NIBAN1: variants seen among roughly 807,000 people sequenced by gnomAD.
NIBAN1 encodes niban apoptosis regulator 1, also known as protein Niban 1.
NIBAN1 carries 81 observed loss-of-function variants against 75.1 expected under a neutral mutation model. The observed-to-expected ratio is 1.08, with a 90% CI of 0.90 to 1.30. The LOEUF (loss-of-function observed/expected upper bound fraction) is 1.30. NIBAN1 is among the 50% of genes most tolerant of loss of function. NIBAN1 has a pLI of 0.00. For missense variants in NIBAN1, 1,133 were observed against 1,128.1 expected, an observed-to-expected ratio of 1.00 and a Z score of -0.06; for synonymous variants, 436 against 424.8, an observed-to-expected ratio of 1.03 and a Z score of -0.32.
intron 5 of NIBAN1, among the ~76,000 whole-genome samples, chr1:184,877,292 G>C (rs1219111506): frequency 6.6e-6 from 1 of 151,712 alleles, no homozygotes; most frequent in Non-Finnish European, 1.5e-5. Flanking sequence ...CACACAAAAT[G>C]ATTAAGCATA....
intron 1 of NIBAN1, among the ~76,000 whole-genome samples, chr1:184,943,505 T>C (rs1658148084): frequency 6.6e-6 from 1 of 152,176 alleles, no homozygotes; most frequent in Admixed American, 6.5e-5. Flanking sequence ...GTTCAGAGGA[T>C]AATGTTAATG....
chr1:184,894,875 C>T (rs1292196467), intron 2 of NIBAN1, among the ~76,000 whole-genome samples: 1 of 152,188 alleles, frequency 6.6e-6, no homozygotes, highest in Non-Finnish European at 1.5e-5. Context: ...CCATTAGATT[C>T]CTAGTTACAT....
intron 12 of NIBAN1, among the ~76,000 whole-genome samples, chr1:184,799,296 G>T (rs909471884): frequency 6.7e-6 from 1 of 149,916 alleles, no homozygotes; most frequent in Non-Finnish European, 1.5e-5. Context: ...TGCGGTGTTT[G>T]GTTTTTTGTT....
At chr1:184,921,265 C>A (rs1276939861) in intron 1 of NIBAN1, among the ~76,000 whole-genome samples, 2 of 152,058 alleles carry the variant, frequency 1.3e-5, no homozygotes, top group East Asian at 1.9e-4. Flanking sequence ...CCATTGCACT[C>A]CAGCCTGGGC....
rs1312966759 is a variant in NIBAN1 at position 184,890,222 on chromosome 1, C to A, written c.319G>T (p.Ala107Ser). 1 of 1,610,296 alleles carries A rather than the reference C, an allele frequency of 6.2e-7. No individual in the cohort carries two copies. Among genetic ancestry groups the A allele is most frequent in the Middle Eastern group, 1.7e-4 (1 of 6,056 alleles). The change falls in exon 4 of 14, where the codon GCC becomes TCC. Residue 107 changes from alanine (A) to serine (S), a missense_variant and splice_region_variant. Coordinates refer to ENST00000367511, the MANE Select transcript of NIBAN1 (RefSeq NM_052966.4). ...YAVESYENKE[A>S]YQRGAAPKCR... Reference sequence around the variant, plus strand: ...TTAGGAGCAGCTCCTCTCTGATAGGCCTGGGGAGGGAAAGGCACACAGGAA... The same window carrying A: ...TTAGGAGCAGCTCCTCTCTGATAGGACTGGGGAGGGAAAGGCACACAGGAA...
chr1:184,899,476 C>T (rs1381834887), intron 1 of NIBAN1, among the ~76,000 whole-genome samples, 167 bp from the exon 2 acceptor site: 2 of 152,090 alleles, frequency 1.3e-5, no homozygotes, highest in Non-Finnish European at 2.9e-5. Flanking sequence ...AGTAGTCTGT[C>T]TTCCCGGAGA....
At chr1:184,892,862 C>T (rs1432678795) in intron 3 of NIBAN1, among the ~76,000 whole-genome samples, 1 of 152,110 alleles carries the variant, frequency 6.6e-6, no homozygotes, top group African/African-American at 2.4e-5. Context: ...ACCTCAACCT[C>T]CCGAGTTCAA....
intron 1 of NIBAN1, among the ~76,000 whole-genome samples, chr1:184,914,759 C>T (rs1428363456): frequency 1.4e-5 from 2 of 147,216 alleles, no homozygotes; most frequent in African/African-American, 2.5e-5. Context: ...CTCGCTCTGT[C>T]ACCCAGGCTG....
chr1:184,802,462 G>A (rs1654071089), intron 12 of NIBAN1, among the ~76,000 whole-genome samples: 2 of 152,152 alleles, frequency 1.3e-5, no homozygotes, highest in South Asian at 4.1e-4. Context: ...TCATCATTTG[G>A]CTGCTGAACT....
At chr1:184,896,983 T>G (rs1402612875) in intron 2 of NIBAN1, among the ~76,000 whole-genome samples, 1 of 152,198 alleles carries the variant, frequency 6.6e-6, no homozygotes. Flanking sequence ...ATGTGATGTC[T>G]CCAGATTTGT....
chr1:184,959,125 C>T (rs966202471), intron 1 of NIBAN1, among the ~76,000 whole-genome samples: 38 of 152,244 alleles, frequency 2.5e-4, no homozygotes, highest in African/African-American at 8.9e-4. Flanking sequence ...TTTAAAGGAA[C>T]ATCCACAGTT....
Position 184,806,040 on chromosome 1 carries a change from A to G in NIBAN1, c.1352T>C (p.Val451Ala). The G allele has an allele frequency of 6.2e-7, 1 of 1,614,002 alleles. No homozygotes were observed. The highest frequency in any genetic ancestry group is 8.5e-7 in the Non-Finnish European group (1 of 1,179,952). The change falls in exon 11 of 14, where the codon GTG becomes GCG. Residue 451 changes from valine to alanine, a missense_variant. Val to Ala is a moderately conservative substitution (Grantham distance 64). Transcript: ENST00000367511. ...GGAAAGCAACTGCTCAAAAGTGAAC[A>G]CTGCATTCTCCATTAGCTAGAAACC... ...NYMQELMENA[V>A]FTFEQLLSPH... is the part of the protein sequence containing the mutation.
At chr1:184,818,611 A>T in intron 9 of NIBAN1, 27 bp downstream of exon 9, 1 of 1,540,864 alleles carries the variant, frequency 6.5e-7, no homozygotes, top group Non-Finnish European at 8.8e-7. Context: ...GACCATTCAC[A>T]CCCAGCTCCT....
intron 1 of NIBAN1, among the ~76,000 whole-genome samples, chr1:184,903,246 G>T (rs925397247): frequency 2.4e-4 from 36 of 152,214 alleles, no homozygotes; most frequent in African/African-American, 7.7e-4. Context: ...TTTGGCACAG[G>T]TATGTATCTC....
rs559581752 is a variant in NIBAN1, at chr1:184,834,075, T to A, written c.602-2113A>T. On this transcript the variant is annotated intron_variant, in intron 5 of 13. Coordinates refer to ENST00000367511, the MANE Select transcript of NIBAN1 (RefSeq NM_052966.4). ...ACCCTGTGTGCAAGTGTTCTCATTG[T>A]TCAATTCCCACCTATGAGTGAGAAC... Among the ~76,000 whole-genome samples the A allele has an allele frequency of 2.0e-5, 3 of 151,584 alleles. No individual in the cohort carries two copies. The South Asian group carries it at 6.3e-4, about 32-fold the overall frequency.
chr1:184,879,874 T>C (rs138702846), intron 5 of NIBAN1, among the ~76,000 whole-genome samples: 199 of 152,340 alleles, frequency 1.3e-3, no homozygotes, highest in African/African-American at 4.6e-3. Flanking sequence ...TTGTCATAAG[T>C]GATTGAACTA....
At chr1:184,960,155 C>T (rs1272210252) in intron 1 of NIBAN1, among the ~76,000 whole-genome samples, 2 of 152,096 alleles carry the variant, frequency 1.3e-5, no homozygotes, top group East Asian at 1.9e-4. Flanking sequence ...CTGACATATA[C>T]ATGCTTAAAA....
rs531537611 is a variant in NIBAN1 at position 184,792,230 on chromosome 1, C to G, written c.*2747G>C. On this transcript the variant is annotated 3_prime_UTR_variant, in exon 14 of 14. Transcript: ENST00000367511. ...TGCTGGGATTATAGGTGTAAGCTAC[C>G]ACATCCAGCCCAAAAACTTGTCTTT... The G allele has an allele frequency of 5.2e-4, 79 of 152,274 alleles. No individual in the cohort carries two copies. The highest frequency in any genetic ancestry group is 1.9e-3 in the African/African-American group (77 of 41,554). The allele number at this position is 152,274 out of a possible 1,614,324, so 9.4% of individuals were successfully genotyped here. A position where few individuals can be genotyped will look rare whatever the true frequency, so the allele number is the denominator to read the frequency against.
Position 184,792,794 on chromosome 1 carries a change from G to C in NIBAN1, c.*2183C>G, listed in dbSNP as rs932132856. On this transcript the variant is annotated 3_prime_UTR_variant, in exon 14 of 14. Transcript: ENST00000367511. ...CACCAGGGATATTAAAGTGACTCAA[G>C]GAGGCAGGAAGCCATTATTCAAGGC... 6.6e-6 allele frequency: 1 copy of C among 152,428 alleles called. No homozygotes were observed. Among genetic ancestry groups the C allele is most frequent in the African/African-American group, 2.4e-5 (1 of 41,460 alleles). 9.4% of individuals were successfully genotyped at this position (152,428 alleles called of 1,614,324 possible).
Sources: gnomAD v4.1 joint callset for allele counts (sites outside exome capture counted in the v4.1 genomes callset) on GRCh38, gnomAD v4.1.1 for gene constraint, MANE v1.5 for transcripts, NCBI Gene and HGNC (gene_info 2026-07-23, HGNC 2026-07-21) for gene names.